The following SLC7A11 variants were observed in gnomAD, a reference collection of about 807,000 sequenced individuals.
The protein encoded by SLC7A11 is solute carrier family 7 member 11, also known as cystine/glutamate transporter.
In SLC7A11, 35 loss-of-function variants were observed where a neutral mutation model predicts 54.5. The ratio of observed to expected loss-of-function variants is 0.64; its 90% CI spans 0.49 to 0.85. The LOEUF is 0.85. SLC7A11 is among the 40% of genes least tolerant of loss of function. The probability of loss-of-function intolerance (pLI) is 0.00; values close to 1 mark genes in which losing one functional copy is unlikely to be tolerated. For synonymous variants in SLC7A11, 230 were observed against 225.2 expected (o/e 1.02, Z -0.19); for missense variants, 583 against 618.1 (o/e 0.94, Z 0.60).
chr4:138,179,549 C>G (rs961680458), intron 10 of SLC7A11, among the ~76,000 whole-genome samples, 155 bp from the exon 11 acceptor site: 10 of 152,164 alleles, frequency 6.6e-5, no homozygotes, highest in African/African-American at 2.4e-4. Context: ...AGCAAAATCT[C>G]TTTCATGGTG....
At chr4:138,206,616 T>G (rs1737413588) in intron 6 of SLC7A11, among the ~76,000 whole-genome samples, 1 of 151,866 alleles carries the variant, frequency 6.6e-6, no homozygotes, top group Non-Finnish European at 1.5e-5. Flanking sequence ...CTTCTTTGAT[T>G]ACCCCATGAT....
intron 5 of SLC7A11, among the ~76,000 whole-genome samples, chr4:138,217,643 T>G (rs995668285): frequency 6.6e-6 from 1 of 152,210 alleles, no homozygotes; most frequent in Non-Finnish European, 1.5e-5. Context: ...TTCAACAGAA[T>G]TAATCAAACC....
intron 10 of SLC7A11, among the ~76,000 whole-genome samples, chr4:138,180,246 T>C (rs1379851262): frequency 6.6e-6 from 1 of 152,138 alleles, no homozygotes; most frequent in Non-Finnish European, 1.5e-5. Flanking sequence ...AAATTCCTTT[T>C]TGGAATTGGC....
intron 6 of SLC7A11, among the ~76,000 whole-genome samples, chr4:138,185,546 A>G (rs1736855970): frequency 6.6e-6 from 1 of 152,144 alleles, no homozygotes; most frequent in African/African-American, 2.4e-5. Flanking sequence ...CTTGAGATGC[A>G]TCAGAATCAC....
intron 6 of SLC7A11, among the ~76,000 whole-genome samples, chr4:138,213,532 C>CCTCTCTCTCTCT (rs71600143): frequency 2.1e-3 from 308 of 148,966 alleles, no homozygotes; most frequent in South Asian, 9.3e-3. Context: ...TTGTGTTTCT[C>CCTCTCTCTCTCT]CTCTCTCTCT....
chr4:138,209,554 A>G (rs1426243100), intron 6 of SLC7A11, among the ~76,000 whole-genome samples: 3 of 152,006 alleles, frequency 2.0e-5, no homozygotes, highest in Non-Finnish European at 2.9e-5. Context: ...AGATACAAAA[A>G]CCAATGTACA....
intron 11 of SLC7A11, among the ~76,000 whole-genome samples, chr4:138,172,258 G>A (rs1372424701): frequency 6.6e-6 from 1 of 152,054 alleles, no homozygotes; most frequent in Admixed American, 6.6e-5. Flanking sequence ...ATTCAAATAA[G>A]GATTTTTATT....
intron 3 of SLC7A11, among the ~76,000 whole-genome samples, chr4:138,223,612 TA>T (rs1265835144): frequency 6.6e-6 from 1 of 152,178 alleles, no homozygotes; most frequent in Non-Finnish European, 1.5e-5. Flanking sequence ...AGTGGACATA[TA>T]TTGTAGTACT....
intron 6 of SLC7A11, among the ~76,000 whole-genome samples, chr4:138,213,813 CAAT>C (rs1420468443): frequency 3.9e-5 from 6 of 152,074 alleles, no homozygotes; most frequent in African/African-American, 1.4e-4. Flanking sequence ...GTTCCCAGCA[CAAT>C]GATTGGAACA....
intron 6 of SLC7A11, among the ~76,000 whole-genome samples, chr4:138,196,621 C>T (rs1054679774): frequency 3.3e-5 from 5 of 151,372 alleles, no homozygotes; most frequent in Admixed American, 1.3e-4. Flanking sequence ...ATTGATGTTG[C>T]CTTTTTTTAA....
Position 138,171,822 on chromosome 4 carries a change from T to C in SLC7A11, c.*134A>G. 5 of 1,153,194 alleles carry C rather than the reference T, an allele frequency of 4.3e-6. No individual in the cohort carries two copies. Among genetic ancestry groups the C allele is most frequent in the Non-Finnish European group, 6.0e-6 (5 of 838,872 alleles). The allele number at this position is 1,153,194 out of a possible 1,614,324, so 71.4% of individuals were successfully genotyped here. A position where few individuals can be genotyped will look rare whatever the true frequency, so the allele number is the denominator to read the frequency against. On this transcript the variant is annotated 3_prime_UTR_variant, in exon 12 of 12. Transcript: ENST00000280612. Reference sequence around the variant, plus strand: ...AGAAATTAGTTCGAATATGCTAAAATATATGAATAAAAATAACTGACTCCT... The same window carrying C: ...AGAAATTAGTTCGAATATGCTAAAACATATGAATAAAAATAACTGACTCCT...
chr4:138,192,503 A>G lies in SLC7A11; in HGVS notation c.792-7259T>C, dbSNP rs144768564. Among the ~76,000 whole-genome samples the G allele has an allele frequency of 3.3e-3, 504 of 152,252 alleles. 5 individuals are homozygous for G. In the East Asian group the frequency reaches 0.046, roughly 14 times the overall value. The stretch of plus-strand genomic sequence containing the variant: ...AATAAACTTTTGATTGTTTAAAGCC[A>G]TTGAAATTTTGTGGGTTGTCTGTTG... On this transcript the variant is annotated intron_variant, in intron 6 of 11. Coordinates refer to ENST00000280612, the MANE Select transcript of SLC7A11 (RefSeq NM_014331.4).
rs188733885 is a variant in SLC7A11, at chr4:138,196,882, G to A, written c.792-11638C>T. Among the ~76,000 whole-genome samples the A allele has an allele frequency of 6.6e-5, 10 of 152,098 alleles. No individual in the cohort carries two copies. The East Asian group carries it at 1.6e-3, about 24-fold the overall frequency. ...ACCATGTTGGCCAGGCTGGTCTCAA[G>A]CTCTTGACCTCTGGTGATACGCCCA... On this transcript the variant is annotated intron_variant, in intron 6 of 11. Transcript: ENST00000280612.
rs879356819 is a variant in SLC7A11, at chr4:138,207,576, A to G, written c.791+7009T>C. Among the ~76,000 whole-genome samples the G allele has an allele frequency of 2.0e-5, 3 of 152,008 alleles. No individual in the cohort carries two copies. In the East Asian group the frequency reaches 5.8e-4, roughly 29 times the overall value. On this transcript the variant is annotated intron_variant, in intron 6 of 11. Transcript: ENST00000280612. Reference sequence around the variant, plus strand: ...AAAAATTAGCTGGGCATAGTGGCACATGCTTGTAATTCCAGCTACTTGGGA... The same window carrying G: ...AAAAATTAGCTGGGCATAGTGGCACGTGCTTGTAATTCCAGCTACTTGGGA...
intron 4 of SLC7A11, among the ~76,000 whole-genome samples, chr4:138,219,686 C>T (rs1436561368): frequency 6.6e-6 from 1 of 152,018 alleles, no homozygotes; most frequent in Non-Finnish European, 1.5e-5. Flanking sequence ...AAATTATAAT[C>T]TTTATGAATA....
At chr4:138,236,963 C>T (rs1414675197) in intron 1 of SLC7A11, among the ~76,000 whole-genome samples, 1 of 149,320 alleles carries the variant, frequency 6.7e-6, no homozygotes, top group Admixed American at 6.7e-5. Context: ...AAACCATGGA[C>T]TCTCTGACTT....
At chr4:138,223,867 G>T (rs1398042769) in intron 3 of SLC7A11, among the ~76,000 whole-genome samples, 1 of 152,050 alleles carries the variant, frequency 6.6e-6, no homozygotes, top group Non-Finnish European at 1.5e-5. Context: ...GCATGTCAAG[G>T]GGCGACTTTC....
intron 1 of SLC7A11, among the ~76,000 whole-genome samples, chr4:138,240,303 A>C (rs2148460452): frequency 6.6e-6 from 1 of 152,268 alleles, no homozygotes; most frequent in South Asian, 2.1e-4. Context: ...GCGGTGGCTC[A>C]TATCTGTAAT....
chr4:138,176,281 C>A (rs935947396), intron 11 of SLC7A11: 1 of 152,128 alleles, frequency 6.6e-6, no homozygotes, highest in Non-Finnish European at 1.5e-5. Flanking sequence ...TAAAGAGTTA[C>A]AATGATCGCA....
Sources: allele counts gnomAD v4.1 joint callset (sites outside exome capture counted in the v4.1 genomes callset), GRCh38; gene constraint gnomAD v4.1.1; transcripts MANE v1.5; gene names NCBI Gene and HGNC (gene_info 2026-07-23, HGNC 2026-07-21).